ASB8: variants seen among roughly 807,000 people sequenced by gnomAD.
ASB8 encodes the protein ankyrin repeat and SOCS box containing 8.
A neutral mutation model predicts 22.9 loss-of-function variants in ASB8; 15 were observed. The observed-to-expected ratio is 0.66, with a 90% CI of 0.44 to 1.01. The LOEUF is 1.01. Ranked by LOEUF, ASB8 falls within the 50% of genes least tolerant of loss-of-function variation. ASB8 has a pLI of 0.00. For synonymous variants in ASB8, 124 were observed against 140.8 expected (o/e 0.88, Z 0.84); for missense variants, 294 against 356.9 (o/e 0.82, Z 1.42).
chr12:48,154,500 A>G lies in ASB8; in HGVS notation c.-33-971T>C, dbSNP rs536949525. 2.7e-3 allele frequency among the ~76,000 whole-genome samples: 410 copies of G among 150,094 alleles called. 2 individuals carry two copies. The Middle Eastern group carries it at 0.028, about 10-fold the overall frequency. On this transcript the variant is annotated intron_variant, in intron 1 of 3. Transcript: ENST00000317697. The stretch of plus-strand genomic sequence containing the variant: ...TATCTCAAAAAAAAAAAAAAAAAAA[A>G]GGAAATATTTGAGGTAGTATTCTAA...
At chr12:48,155,303 C>T (rs1951282176) in intron 1 of ASB8, among the ~76,000 whole-genome samples, 1 of 152,148 alleles carries the variant, frequency 6.6e-6, no homozygotes, top group African/African-American at 2.4e-5. Context: ...AGTACCTGAA[C>T]ACATGGTAGG....
chr12:48,150,263 A>C (rs979470798), intron 3 of ASB8: 3 of 691,858 alleles, frequency 4.3e-6, no homozygotes, highest in African/African-American at 1.8e-5. Context: ...TTTTTGCTGC[A>C]ATGTTCTTTT....
chr12:48,149,661 A>T lies in ASB8; in HGVS notation c.572T>A (p.Leu191Gln). Residue 191 changes from leucine to glutamine, a missense_variant, in exon 4 of 4, where the codon CTG becomes CAG. Transcript: ENST00000317697. ...AAGTCCCCTGACTAGCAGAGCCACC[A>T]GGCGGGAGATGGGTGTCTGGCCTAT... ...NLIGQTPISR[L>Q]VALLVRGLGT... 6.2e-7 allele frequency: 1 copy of T among 1,614,130 alleles called. No homozygotes were observed. The highest frequency in any genetic ancestry group is 8.5e-7 in the Non-Finnish European group (1 of 1,179,992).
chr12:48,156,779 G>A (rs1342973561), intron 1 of ASB8, among the ~76,000 whole-genome samples: 1 of 152,020 alleles, frequency 6.6e-6, no homozygotes, highest in African/African-American at 2.4e-5. Context: ...GGAAGCTCCC[G>A]GTAAAGGAAT....
chr12:48,153,579 C>T, intron 1 of ASB8, 50 bp from the exon 2 acceptor site: 1 of 1,482,052 alleles, frequency 6.7e-7, no homozygotes, highest in African/African-American at 1.4e-5. Context: ...GCACACCTGT[C>T]TTTAGGGTTA....
At chr12:48,153,240 A>T in intron 2 of ASB8, 128 bp downstream of exon 2, 1 of 1,110,110 alleles carries the variant, frequency 9.0e-7, no homozygotes, top group Non-Finnish European at 1.3e-6. Context: ...TGATCAAGTT[A>T]ATGCAGTTAG....
Position 48,149,933 on chromosome 12 carries a change from A to G in ASB8, c.300T>C (p.Cys100=). ...LHYAAEKDEA[C]VEVLLEYGAN... ...CACCATACTCCAATAGGACCTCCAC[A>G]CAAGCCTCATCTTTCTCTGCTGCAT... Residue 100 remains cysteine (C), a synonymous_variant, in exon 4 of 4, where the codon TGT becomes TGC. Coordinates refer to ENST00000317697, the MANE Select transcript of ASB8 (RefSeq NM_024095.5). 6.2e-7 allele frequency: 1 copy of G among 1,614,060 alleles called. No homozygotes were observed. Among genetic ancestry groups the G allele is most frequent in the Non-Finnish European group, 8.5e-7 (1 of 1,179,922 alleles).
At chr12:48,150,199 C>T (rs759994854) in intron 3 of ASB8, 3 of 710,882 alleles carry the variant, frequency 4.2e-6, no homozygotes, top group South Asian at 3.0e-5. Context: ...AAGAACTGTC[C>T]TCAAACAGTC....
chr12:48,149,193 T>A lies in ASB8; in HGVS notation c.*173A>T. On this transcript the variant is annotated 3_prime_UTR_variant, in exon 4 of 4. Coordinates refer to ENST00000317697, the MANE Select transcript of ASB8 (RefSeq NM_024095.5). ...AAAGTGAGGGATTTTTTTTGTTGGGTTGTTTGGTTTGGGAAGGGGAGGTGC... is the reference window on the plus strand; with the variant it reads ...AAAGTGAGGGATTTTTTTTGTTGGGATGTTTGGTTTGGGAAGGGGAGGTGC... 1.5e-6 allele frequency: 1 copy of A among 656,650 alleles called. No individual in the cohort carries two copies. Among genetic ancestry groups the A allele is most frequent in the Non-Finnish European group, 2.5e-6 (1 of 404,940 alleles). 40.7% of individuals were successfully genotyped at this position (656,650 alleles called of 1,614,324 possible).
At chr12:48,155,200 T>C (rs1305516367) in intron 1 of ASB8, among the ~76,000 whole-genome samples, 1 of 152,154 alleles carries the variant, frequency 6.6e-6, no homozygotes, top group Non-Finnish European at 1.5e-5. Flanking sequence ...AGGGAAAATA[T>C]AATACACAGT....
chr12:48,155,189 T>C (rs190332870), intron 1 of ASB8, among the ~76,000 whole-genome samples: 1 of 152,126 alleles, frequency 6.6e-6, no homozygotes, highest in East Asian at 1.9e-4. Flanking sequence ...TCAAAAACAA[T>C]AGGGAAAATA....
In ASB8 at chr12:48,149,284, T is replaced by A. The variant is rs537589538; in HGVS notation, c.*82A>T. On this transcript the variant is annotated 3_prime_UTR_variant, in exon 4 of 4. Coordinates refer to ENST00000317697, the MANE Select transcript of ASB8 (RefSeq NM_024095.5). ...AAACCACACAACAGGAACAACTGTT[T>A]TTCTGTTTTCTGTGACAAGGAGTAC... 1.1e-4 allele frequency: 154 copies of A among 1,410,726 alleles called. 1 individual carries two copies. The East Asian group carries it at 3.2e-3, about 29-fold the overall frequency. 87.4% of individuals were successfully genotyped at this position (1,410,726 alleles called of 1,614,324 possible).
intron 3 of ASB8, chr12:48,150,811 G>A (rs1951188574): frequency 3.7e-6 from 1 of 270,748 alleles, no homozygotes; most frequent in Non-Finnish European, 6.9e-6. Context: ...GATTTAATCA[G>A]AGTTGAGGGA....
At chr12:48,150,594 A>G (rs1307614846) in intron 3 of ASB8, among the ~76,000 whole-genome samples, 1 of 152,206 alleles carries the variant, frequency 6.6e-6, no homozygotes, top group Admixed American at 6.5e-5. Context: ...CAAATCTCCC[A>G]GTGCTGGAAA....
In ASB8 at chr12:48,153,383, C is replaced by T; in HGVS notation, c.114G>A (p.Glu38=). 1 of 1,613,986 alleles carries T rather than the reference C, an allele frequency of 6.2e-7. No individual in the cohort carries two copies. Among genetic ancestry groups the T allele is most frequent in the Non-Finnish European group, 8.5e-7 (1 of 1,179,884 alleles). The change falls in exon 2 of 4, where the codon GAG becomes GAA. Residue 38 remains glutamate, a synonymous_variant. Coordinates refer to ENST00000317697, the MANE Select transcript of ASB8 (RefSeq NM_024095.5). ...GCACACTCACCCCTCTGATGAGGTC[C>T]TCTACATTATCATGTGGGAAGGAAC... ...AIRSFPHDNV[E]DLIRGGADVN...
chr12:48,150,019 T>C (rs143886067), intron 3 of ASB8, 21 bp from the exon 4 acceptor site: 27 of 1,605,572 alleles, frequency 1.7e-5, no homozygotes, highest in Admixed American at 3.3e-5. Flanking sequence ...GGAGGAACTA[T>C]TACAGTAGAC....
At chr12:48,151,539 C>T in intron 2 of ASB8, 1 of 1,435,730 alleles carries the variant, frequency 7.0e-7, no homozygotes, top group Non-Finnish European at 9.4e-7. Flanking sequence ...TAAGTTTCTC[C>T]ACAAGGGAGG....
rs766782408 is a variant in ASB8, at chr12:48,153,516, A to G, written c.-20T>C. 5 of 1,613,062 alleles carry G rather than the reference A, an allele frequency of 3.1e-6. No homozygotes were observed. In the South Asian group the frequency reaches 4.4e-5, roughly 14 times the overall value. Reference sequence around the variant, plus strand: ...ACTCATCAAGGCTCAAGGTGTTCACATGCTCCAAACTGCCTGAAACAAAGA... The same window carrying G: ...ACTCATCAAGGCTCAAGGTGTTCACGTGCTCCAAACTGCCTGAAACAAAGA... On this transcript the variant is annotated 5_prime_UTR_variant, in exon 2 of 4. It removes an upstream start codon present in the reference 5' UTR. Transcript: ENST00000317697.
At chr12:48,151,381 C>A in intron 2 of ASB8, 76 bp from the exon 3 acceptor site, 1 of 1,231,096 alleles carries the variant, frequency 8.1e-7, no homozygotes, top group South Asian at 1.3e-5. Context: ...GAACTGAGTC[C>A]AGGGGACAGA....
Sources: allele counts gnomAD v4.1 joint callset (sites outside exome capture counted in the v4.1 genomes callset), GRCh38; gene constraint gnomAD v4.1.1; transcripts MANE v1.5; gene names NCBI Gene and HGNC (gene_info 2026-07-23, HGNC 2026-07-21).